CELF2: variants seen among roughly 807,000 people sequenced by gnomAD.
The protein encoded by CELF2 is CUG triplet repeat RNA-binding protein 2.
Under a neutral mutation model 62.6 loss-of-function variants are expected in CELF2, and 8 were observed. That is an observed-to-expected ratio of 0.13 (90% CI 0.07 to 0.23). CELF2 has a LOEUF of 0.23. Ranked by LOEUF, CELF2 falls within the 10% of genes least tolerant of loss-of-function variation. CELF2 has a pLI of 1.00. For missense variants in CELF2, 333 were observed against 671.0 expected, an observed-to-expected ratio of 0.50 and a Z score of 5.56; for synonymous variants, 258 against 250.0, an observed-to-expected ratio of 1.03 and a Z score of -0.30.
intron 1 of CELF2, chr10:10,846,038 A>G: frequency 3.3e-6 from 3 of 900,362 alleles, no homozygotes; most frequent in Non-Finnish European, 4.0e-6. Flanking sequence ...TGACTCATTA[A>G]CCTGTGAACC....
At chr10:10,713,619 A>T in the CELF2 span, among the ~76,000 whole-genome samples, 1 of 152,210 alleles carries the variant, frequency 6.6e-6, no homozygotes, top group Admixed American at 6.5e-5. Flanking sequence ...GACAGCTTCA[A>T]ATTCTGGTAT....
intron 1 of CELF2, among the ~76,000 whole-genome samples, chr10:10,821,226 G>A (rs2056935187): frequency 1.3e-5 from 2 of 152,190 alleles, no homozygotes; most frequent in Admixed American, 1.3e-4. Context: ...GCCAAAGAGA[G>A]AGCTTCCAGG....
chr10:10,736,555 C>T, the CELF2 span, among the ~76,000 whole-genome samples: 10 of 151,770 alleles, frequency 6.6e-5, no homozygotes, highest in Admixed American at 3.3e-4. Flanking sequence ...AAGAGAAATA[C>T]GTTGGGAATT....
intron 1 of CELF2, among the ~76,000 whole-genome samples, chr10:11,130,169 G>A (rs1391844290): frequency 6.6e-6 from 1 of 152,202 alleles, no homozygotes; most frequent in Non-Finnish European, 1.5e-5. Flanking sequence ...CAATTTCCAT[G>A]TAGTTGTGTG....
chr10:10,781,377 G>A, the CELF2 span, among the ~76,000 whole-genome samples: 2 of 152,168 alleles, frequency 1.3e-5, no homozygotes, highest in African/African-American at 4.8e-5. Flanking sequence ...ACATACAGAA[G>A]ACTGGTTAAT....
the CELF2 span, among the ~76,000 whole-genome samples, chr10:10,668,666 G>C: frequency 1.1e-3 from 170 of 152,082 alleles, 1 homozygote; most frequent in African/African-American, 4.1e-3. Context: ...GTTCTTAAAG[G>C]TTACATATAG....
intron 2 of CELF2, among the ~76,000 whole-genome samples, chr10:11,184,537 A>G (rs1308918912): frequency 1.3e-5 from 2 of 152,220 alleles, no homozygotes; most frequent in Non-Finnish European, 2.9e-5. Flanking sequence ...ATGAAGTGGT[A>G]TATTTCTCCA....
chr10:11,287,244 T>C (rs2091544680), intron 8 of CELF2, among the ~76,000 whole-genome samples: 1 of 152,238 alleles, frequency 6.6e-6, no homozygotes, highest in African/African-American at 2.4e-5. Context: ...TCCACCATCT[T>C]TCTATCTTCA....
At chr10:10,672,144 C>T in the CELF2 span, among the ~76,000 whole-genome samples, 1 of 152,162 alleles carries the variant, frequency 6.6e-6, no homozygotes, top group Non-Finnish European at 1.5e-5. Context: ...ATATAGTAAT[C>T]CTTTATCAGA....
intron 2 of CELF2, among the ~76,000 whole-genome samples, chr10:11,197,064 A>AAAG: frequency 8.5e-6 from 1 of 117,016 alleles, no homozygotes; most frequent in African/African-American, 3.7e-5. Flanking sequence ...AAAGAAAAGA[A>AAAG]AGAAAGGAAA....
chr10:11,306,176 T>C lies in CELF2; in HGVS notation c.977-7963T>C, dbSNP rs1052480663. 6.6e-6 allele frequency among the ~76,000 whole-genome samples: 1 copy of C among 152,080 alleles called. No individual in the cohort carries two copies. The highest frequency in any genetic ancestry group is 2.4e-5 in the African/African-American group (1 of 41,424). On this transcript the variant is annotated intron_variant, in intron 9 of 12. Coordinates refer to ENST00000633077, the MANE Select transcript of CELF2 (RefSeq NM_001326342.2). The surrounding 1 kb of genome is among the most constrained non-coding windows in gnomAD (Gnocchi z 4.4). ...CCTCCGTCTGGGATCCTCTTGGCTT[T>C]GTTCTGCCTCCTCCTGCTTGGATGG...
chr10:11,318,121 G>C lies in CELF2; in HGVS notation c.1097-3068G>C, dbSNP rs1182498256. On this transcript the variant is annotated intron_variant, in intron 10 of 12. Coordinates refer to ENST00000633077, the MANE Select transcript of CELF2 (RefSeq NM_001326342.2). This position sits in a 1 kb window ranked among gnomAD's most constrained non-coding sequence, Gnocchi z 5.4. ...CACTGTCTTTGATAGAATTAATCTA[G>C]AACAACATCAGGTGACTCACAGGAA... is the stretch of plus-strand genomic sequence containing the variant. The C allele has an allele frequency of 2.0e-5, 3 of 152,440 alleles. No homozygotes were observed. The highest frequency in any genetic ancestry group is 7.2e-5 in the African/African-American group (3 of 41,418). The allele number at this position is 152,440 out of a possible 1,614,324, so 9.4% of individuals were successfully genotyped here.
chr10:10,494,680 G>C, the CELF2 span, among the ~76,000 whole-genome samples: 10 of 151,936 alleles, frequency 6.6e-5, no homozygotes, highest in African/African-American at 2.2e-4. Context: ...AATCACAGAG[G>C]GTTTTTTGAG....
chr10:10,632,071 T>C, the CELF2 span, among the ~76,000 whole-genome samples: 1 of 152,330 alleles, frequency 6.6e-6, no homozygotes, highest in South Asian at 2.1e-4. Flanking sequence ...CTTTGCTCCC[T>C]CAAAGTGACC....
At chr10:11,176,479 G>C (rs1380188582) in intron 2 of CELF2, among the ~76,000 whole-genome samples, 1 of 152,208 alleles carries the variant, frequency 6.6e-6, no homozygotes. Flanking sequence ...CATCACAGGA[G>C]ACATGTATGT....
At position 11,314,200 on chromosome 10, in the gene CELF2, G is replaced by A; in HGVS notation, c.1038G>A (p.Gly346=). 1.9e-6 allele frequency: 3 copies of A among 1,614,108 alleles called. No homozygotes were observed. The highest frequency in any genetic ancestry group is 2.5e-6 in the Non-Finnish European group (3 of 1,179,976). ...CCATGAACTCCTTGACCTCTCTCGG[G>A]ACTCTGCAAGGACTGGCTGGAGCCA... ...GAAMNSLTSL[G]TLQGLAGATV... is the part of the protein sequence containing the mutation. The change falls in exon 10 of 13, where the codon GGG becomes GGA. Residue 346 remains glycine, a synonymous_variant. Coordinates refer to ENST00000633077, the MANE Select transcript of CELF2 (RefSeq NM_001326342.2). The surrounding 1 kb of genome is among the most constrained non-coding windows in gnomAD (Gnocchi z 5.3).
intron 1 of CELF2, among the ~76,000 whole-genome samples, chr10:11,162,065 C>T (rs558137534): frequency 9.9e-5 from 15 of 152,246 alleles, no homozygotes; most frequent in Admixed American, 2.0e-4. Flanking sequence ...AACCAAGCTG[C>T]GGCAGTACTG....
At chr10:10,819,239 T>G (rs10905837) in intron 1 of CELF2, among the ~76,000 whole-genome samples, 13,642 of 152,218 alleles carry the variant, frequency 0.09, 729 homozygotes, top group East Asian at 0.23. Flanking sequence ...TTAGTTACAT[T>G]TTAATTTTAT....
chr10:10,783,943 G>C, the CELF2 span, among the ~76,000 whole-genome samples: 2 of 151,992 alleles, frequency 1.3e-5, no homozygotes, highest in South Asian at 2.1e-4. Context: ...AGCCAAGATC[G>C]TGCCACTGCA....
Sources: gnomAD v4.1 joint callset for allele counts (sites outside exome capture counted in the v4.1 genomes callset) on GRCh38, gnomAD v4.1.1 for gene constraint, Gnocchi (gnomAD v3.1) non-coding constraint, MANE v1.5 for transcripts, NCBI Gene and HGNC (gene_info 2026-07-23, HGNC 2026-07-21) for gene names.